Variants in KCNIP1 observed in about 807,000 individuals in gnomAD.
The protein encoded by KCNIP1 is A-type potassium channel modulatory protein KCNIP1.
A neutral mutation model predicts 33.0 loss-of-function variants in KCNIP1; 18 were observed. That is an observed-to-expected ratio of 0.55 (90% confidence interval 0.38 to 0.81). KCNIP1 has a LOEUF of 0.81. Among genes scored for constraint, KCNIP1 ranks in the 30% least tolerant of loss-of-function variants. KCNIP1 has a pLI of 0.00. For synonymous variants in KCNIP1, 93 were observed against 98.3 expected, an observed-to-expected ratio of 0.95 and a Z score of 0.32; for missense variants, 238 against 271.6, an observed-to-expected ratio of 0.88 and a Z score of 0.87.
chr5:170,723,618 T>C (rs568442709), intron 5 of KCNIP1, among the ~76,000 whole-genome samples: 7 of 152,010 alleles, frequency 4.6e-5, no homozygotes, highest in Non-Finnish European at 1.0e-4. Flanking sequence ...ATTCATTTAG[T>C]CATGTTTTTA....
intron 1 of KCNIP1, among the ~76,000 whole-genome samples, chr5:170,662,527 C>T (rs1761540650): frequency 6.6e-6 from 1 of 152,184 alleles, no homozygotes; most frequent in Non-Finnish European, 1.5e-5. Context: ...AATCTGAGGA[C>T]TGGGGCCTTT....
exon 1 of KCNIP1, chr5:170,353,773 C>T: frequency 2.0e-6 from 2 of 1,008,004 alleles, no homozygotes; most frequent in Admixed American, 3.9e-5. Context: ...GCATCCGTCA[C>T]TCAGGGTTCA....
chr5:170,718,958 C>T, intron 2 of KCNIP1, 76 bp downstream of exon 2: 1 of 1,548,212 alleles, frequency 6.5e-7, no homozygotes, highest in East Asian at 2.3e-5. Flanking sequence ...GCCAAGGGAG[C>T]TCATAAGGCG....
intron 1 of KCNIP1, among the ~76,000 whole-genome samples, chr5:170,432,331 C>A (rs1475393548): frequency 2.7e-4 from 41 of 152,196 alleles, no homozygotes. Context: ...ATTTAAACAG[C>A]AAAACTGCTT....
rs148143937 is a variant in KCNIP1 at position 170,439,500 on chromosome 5, G to A, written c.88+85536G>A. On this transcript the variant is annotated intron_variant, in intron 1 of 7. Transcript: ENST00000377360. ...GTGGGGGACGGGGGCGGGGGGGTGC[G>A]GAGCTTGGCACCACCTGGTGGTCTC... 2.8e-3 allele frequency among the ~76,000 whole-genome samples: 430 copies of A among 151,980 alleles called. 7 individuals are homozygous for A. The highest frequency in any genetic ancestry group is 9.8e-3 in the African/African-American group (408 of 41,448).
chr5:170,651,300 T>G (rs917099899), intron 1 of KCNIP1, among the ~76,000 whole-genome samples: 5 of 152,192 alleles, frequency 3.3e-5, no homozygotes, highest in Non-Finnish European at 7.4e-5. Context: ...AATCCATTTC[T>G]TATCCTGTGA....
chr5:170,587,054 G>T (rs918795487), intron 1 of KCNIP1, among the ~76,000 whole-genome samples: 1 of 152,182 alleles, frequency 6.6e-6, no homozygotes, highest in Non-Finnish European at 1.5e-5. Flanking sequence ...AGAACAATGT[G>T]GGATGGACCG....
At chr5:170,589,616 G>A (rs1453667807) in intron 1 of KCNIP1, among the ~76,000 whole-genome samples, 1 of 152,188 alleles carries the variant, frequency 6.6e-6, no homozygotes, top group African/African-American at 2.4e-5. Flanking sequence ...TGTTTCAGAT[G>A]AGTGTCAGGG....
At chr5:170,734,850 ACTGACCCCCTTGGGG>A (rs963270508) in intron 7 of KCNIP1, among the ~76,000 whole-genome samples, 3 of 152,254 alleles carry the variant, frequency 2.0e-5, no homozygotes, top group Non-Finnish European at 2.9e-5. Flanking sequence ...TGGAATGAAC[ACTGACCCCCTTGGGG>A]GTGAGTTCTC....
intron 1 of KCNIP1, among the ~76,000 whole-genome samples, chr5:170,661,951 C>T (rs762993848): frequency 1.3e-4 from 20 of 152,262 alleles, no homozygotes; most frequent in South Asian, 2.1e-4. Context: ...TCGAGCACAA[C>T]GCAGCAGTCA....
At chr5:170,685,512 C>T (rs1181838345) in intron 1 of KCNIP1, among the ~76,000 whole-genome samples, 2 of 151,160 alleles carry the variant, frequency 1.3e-5, no homozygotes, top group Non-Finnish European at 2.9e-5. Context: ...TGTTTGAGAC[C>T]GAGTCTCACT....
At chr5:170,683,540 T>A (rs187386949) in intron 1 of KCNIP1, among the ~76,000 whole-genome samples, 9 of 152,254 alleles carry the variant, frequency 5.9e-5, no homozygotes, top group African/African-American at 1.7e-4. Context: ...ATGCCATTTT[T>A]AATGTGTATT....
At chr5:170,468,697 A>G (rs1756660433) in intron 1 of KCNIP1, among the ~76,000 whole-genome samples, 2 of 151,910 alleles carry the variant, frequency 1.3e-5, no homozygotes, top group Admixed American at 6.6e-5. Flanking sequence ...CCTGGGCAAC[A>G]TGGAGAAACC....
chr5:170,502,281 C>T (rs983697753), upstream of KCNIP1, among the ~76,000 whole-genome samples: 1 of 152,216 alleles, frequency 6.6e-6, no homozygotes, highest in African/African-American at 2.4e-5. Context: ...CCCTGTTGCA[C>T]AAAACAGGAC....
intron 1 of KCNIP1, among the ~76,000 whole-genome samples, chr5:170,569,280 A>G (rs1386723990): frequency 1.3e-5 from 2 of 152,218 alleles, no homozygotes; most frequent in Admixed American, 1.3e-4. Context: ...GGAGCTCCCA[A>G]AATCTGCACC....
At chr5:170,710,219 A>C (rs754254335) in intron 1 of KCNIP1, among the ~76,000 whole-genome samples, 2 of 152,094 alleles carry the variant, frequency 1.3e-5, no homozygotes, top group Non-Finnish European at 2.9e-5. Flanking sequence ...TTTTCTATTG[A>C]CTTATCTACC....
chr5:170,644,163 C>A (rs1299901491), intron 1 of KCNIP1, among the ~76,000 whole-genome samples: 3 of 152,200 alleles, frequency 2.0e-5, no homozygotes, highest in Non-Finnish European at 4.4e-5. Context: ...TGATGAGGGA[C>A]TTCAAGTGCC....
chr5:170,507,698 T>C (rs755656042), intron 1 of KCNIP1, among the ~76,000 whole-genome samples: 9 of 152,210 alleles, frequency 5.9e-5, no homozygotes, highest in Non-Finnish European at 1.3e-4. Context: ...AGTTTTTAAA[T>C]AGGGCAAAAA....
chr5:170,682,901 T>C (rs1213728140), intron 1 of KCNIP1, among the ~76,000 whole-genome samples: 2 of 148,588 alleles, frequency 1.3e-5, no homozygotes, highest in African/African-American at 5.0e-5. Context: ...AGTGCTGGGA[T>C]TACAGGCGTG....
Sources: allele counts gnomAD v4.1 joint callset (sites outside exome capture counted in the v4.1 genomes callset), GRCh38; gene constraint gnomAD v4.1.1; transcripts MANE v1.5; gene names NCBI Gene and HGNC (gene_info 2026-07-23, HGNC 2026-07-21).